Variants in TAF3 observed in about 807,000 individuals in gnomAD.
TAF3 encodes the protein transcription initiation factor TFIID subunit 3.
Under a neutral mutation model 80.6 loss-of-function variants are expected in TAF3, and 7 were observed. The ratio of observed to expected loss-of-function variants is 0.09; its 90% CI spans 0.05 to 0.16. The LOEUF is 0.16. TAF3 is among the 10% of genes least tolerant of loss of function. The pLI is 1.00. For synonymous variants in TAF3, 444 were observed against 446.1 expected (o/e 1.00, Z 0.06); for missense variants, 921 against 1,140.2 (o/e 0.81, Z 2.77).
At chr10:7,940,686 G>T (rs1176948965) in intron 2 of TAF3, among the ~76,000 whole-genome samples, 2 of 152,230 alleles carry the variant, frequency 1.3e-5, no homozygotes, top group Non-Finnish European at 2.9e-5. Context: ...CAGGCATGGT[G>T]GCTTATGCCA....
intron 3 of TAF3, among the ~76,000 whole-genome samples, chr10:7,976,446 G>T (rs564625678): frequency 3.5e-5 from 5 of 142,726 alleles, no homozygotes; most frequent in Admixed American, 3.0e-4. Flanking sequence ...ACGGAGTCTC[G>T]CTGTGTTGCC....
rs993364671 is a variant in TAF3, at chr10:7,996,039, A to T, written c.2316-13039A>T. Among the ~76,000 whole-genome samples, 7 of 152,348 alleles carry T rather than the reference A, an allele frequency of 4.6e-5. No homozygotes were observed. The South Asian group carries it at 1.4e-3, about 32-fold the overall frequency. ...TTCCAACTTCTGAATATTTATTTAC[A>T]TACCTAAGTTAGAAAAATCGAACAC... On this transcript the variant is annotated intron_variant, in intron 4 of 6. Coordinates refer to ENST00000344293, the MANE Select transcript of TAF3 (RefSeq NM_031923.4).
intron 2 of TAF3, among the ~76,000 whole-genome samples, chr10:7,839,474 G>A (rs891109010): frequency 6.6e-6 from 1 of 152,150 alleles, no homozygotes; most frequent in Non-Finnish European, 1.5e-5. Context: ...TCAGAATAAT[G>A]GAGGAGCAGT....
chr10:7,902,008 A>G (rs1837562792), intron 2 of TAF3, among the ~76,000 whole-genome samples: 1 of 152,086 alleles, frequency 6.6e-6, no homozygotes, highest in African/African-American at 2.4e-5. Flanking sequence ...GTTCGGAACC[A>G]CTGAGAGTAC....
intron 4 of TAF3, among the ~76,000 whole-genome samples, chr10:8,006,733 G>T (rs559984090): frequency 6.6e-6 from 1 of 152,280 alleles, no homozygotes; most frequent in Non-Finnish European, 1.5e-5. Flanking sequence ...GTGCCTTTTG[G>T]TGAAAGTGGT....
intron 2 of TAF3, among the ~76,000 whole-genome samples, chr10:7,880,912 A>G (rs1056463882): frequency 1.3e-5 from 2 of 152,196 alleles, no homozygotes; most frequent in African/African-American, 4.8e-5. Context: ...GAACAAACAG[A>G]AATAAGAGAG....
intron 1 of TAF3, among the ~76,000 whole-genome samples, chr10:7,823,697 C>T (rs559145725): frequency 1.0e-4 from 15 of 149,456 alleles, no homozygotes; most frequent in East Asian, 2.0e-4. Context: ...TGTAGTGGCA[C>T]GATCTCGGCT....
At chr10:7,967,396 G>A (rs893919646) in intron 3 of TAF3, among the ~76,000 whole-genome samples, 19 of 151,828 alleles carry the variant, frequency 1.3e-4, no homozygotes, top group African/African-American at 4.1e-4. Context: ...GCAGTCCCAT[G>A]CCTTTCTACA....
intron 2 of TAF3, among the ~76,000 whole-genome samples, chr10:7,832,345 A>G (rs1480522459): frequency 3.9e-5 from 6 of 152,100 alleles, no homozygotes; most frequent in African/African-American, 7.2e-5. Flanking sequence ...TTTGAATTCC[A>G]TCTATGTTGT....
At position 7,965,259 on chromosome 10, in the gene TAF3, A is replaced by C. The variant is rs1180157217; in HGVS notation, c.1749A>C (p.Glu583Asp). ...CCTGGAAGGAATTTCTTAAAGAGGA[A>C]GAGGCAGATCCCTACAAGTTTAAAA... ...KYPWKEFLKE[E>D]EADPYKFKIK... Residue 583 changes from glutamate (E) to aspartate (D), a missense_variant, in exon 3 of 7, where the codon GAA becomes GAC. By Grantham distance (45) the Glu-to-Asp change is conservative. Around this residue, in one of 6 missense-constraint regions of TAF3, gnomAD observed 743 missense variants for 821.0 expected, o/e 0.90. Transcript: ENST00000344293. 1 of 1,609,158 alleles carries C rather than the reference A, an allele frequency of 6.2e-7. No homozygotes were observed. The highest frequency in any genetic ancestry group is 8.5e-7 in the Non-Finnish European group (1 of 1,178,834).
intron 2 of TAF3, among the ~76,000 whole-genome samples, chr10:7,841,543 G>A (rs945881642): frequency 5.3e-5 from 8 of 152,192 alleles, no homozygotes; most frequent in Non-Finnish European, 2.9e-5. Flanking sequence ...TTAAGTAGGG[G>A]GTTAGGATGA....
Position 8,014,617 on chromosome 10 carries a change from G to A in TAF3, c.2676-20G>A, listed in dbSNP as rs202051795. 10 of 1,603,306 alleles carry A rather than the reference G, an allele frequency of 6.2e-6. No homozygotes were observed. The East Asian group carries it at 2.2e-4, about 36-fold the overall frequency. ...ATGTCTGTATAAAAGTTGCTTATCT[G>A]AGCTTGTTTTCACGTGCAGGCCCTG... On this transcript the variant is annotated intron_variant, in intron 6 of 6. Transcript: ENST00000344293.
At chr10:7,936,939 T>C (rs974696853) in intron 2 of TAF3, among the ~76,000 whole-genome samples, 6 of 152,144 alleles carry the variant, frequency 3.9e-5, no homozygotes, top group African/African-American at 1.4e-4. Flanking sequence ...AATCACACAG[T>C]ATGTGGCCTT....
intron 2 of TAF3, among the ~76,000 whole-genome samples, chr10:7,882,998 A>C (rs1837376147): frequency 6.6e-6 from 1 of 152,224 alleles, no homozygotes; most frequent in Admixed American, 6.5e-5. Flanking sequence ...TAAATATTTC[A>C]GTGGGTACTT....
chr10:7,889,746 G>A (rs112120363), intron 2 of TAF3, among the ~76,000 whole-genome samples: 1,672 of 152,222 alleles, frequency 0.011, 20 homozygotes, highest in Middle Eastern at 0.031. Flanking sequence ...AAATAGCCTC[G>A]TCTTGTGTCT....
At chr10:7,918,383 G>A (rs1276328892) in intron 2 of TAF3, among the ~76,000 whole-genome samples, 1 of 152,182 alleles carries the variant, frequency 6.6e-6, no homozygotes, top group Admixed American at 6.5e-5. Context: ...AGTGCCACAT[G>A]TAGACTTAGA....
At chr10:7,914,258 G>A (rs900687090) in intron 2 of TAF3, among the ~76,000 whole-genome samples, 3 of 152,190 alleles carry the variant, frequency 2.0e-5, no homozygotes, top group African/African-American at 7.2e-5. Context: ...TCTGATGTCC[G>A]AGATTTGTGT....
intron 4 of TAF3, among the ~76,000 whole-genome samples, chr10:7,994,076 TC>T (rs1395595838): frequency 7.0e-6 from 1 of 142,284 alleles, no homozygotes; most frequent in Non-Finnish European, 1.5e-5. Context: ...CTCTCCCACT[TC>T]CCCTCTTCCT....
chr10:7,821,737 A>C (rs1247168659), intron 1 of TAF3, among the ~76,000 whole-genome samples: 6 of 152,220 alleles, frequency 3.9e-5, no homozygotes, highest in South Asian at 4.1e-4. Context: ...CTAGTACTGT[A>C]ATATTTTTTT....
Sources: allele counts gnomAD v4.1 joint callset (sites outside exome capture counted in the v4.1 genomes callset), GRCh38; gene constraint gnomAD v4.1.1; regional missense constraint gnomAD v4.1.1; transcripts MANE v1.5; gene names NCBI Gene and HGNC (gene_info 2026-07-23, HGNC 2026-07-21).